Variants in RBFOX1 observed in about 807,000 individuals in gnomAD.
The protein encoded by RBFOX1 is RNA binding fox-1 homolog 1, also known as RNA binding protein fox-1 homolog 1.
Under a neutral mutation model 57.7 loss-of-function variants are expected in RBFOX1, and 8 were observed. The observed-to-expected ratio is 0.14, with a 90% CI of 0.08 to 0.25. The LOEUF (loss-of-function observed/expected upper bound fraction) is 0.25, where lower values mean the gene tolerates loss of function less well. Among genes scored for constraint, RBFOX1 ranks in the 10% least tolerant of loss-of-function variants. The pLI is 1.00. For synonymous variants in RBFOX1, 326 were observed against 222.4 expected (o/e 1.47, Z -4.15); for missense variants, 611 against 548.5 (o/e 1.11, Z -1.14).
chr16:6,578,022 T>C (rs1327191357), intron 2 of RBFOX1, among the ~76,000 whole-genome samples: 1 of 152,358 alleles, frequency 6.6e-6, no homozygotes, highest in East Asian at 1.9e-4. Context: ...ACAGTGCTTA[T>C]TTCATTGAAG....
chr16:6,552,515 G>A (rs561389655), intron 2 of RBFOX1, among the ~76,000 whole-genome samples: 5 of 152,240 alleles, frequency 3.3e-5, no homozygotes, highest in African/African-American at 1.2e-4. Flanking sequence ...CCTGGTCTAT[G>A]GTAATTGCCG....
At chr16:5,969,325 G>GTTTTTTTTTT (rs1392384342) in intron 4 of RBFOX1, among the ~76,000 whole-genome samples, 1 of 120,648 alleles carries the variant, frequency 8.3e-6, no homozygotes, top group Non-Finnish European at 1.6e-5. Flanking sequence ...TTTTTTTTTG[G>GTTTTTTTTTT]TTTGGAAATG....
At chr16:5,727,999 T>C (rs1371001672) in intron 3 of RBFOX1, among the ~76,000 whole-genome samples, 1 of 152,214 alleles carries the variant, frequency 6.6e-6, no homozygotes, top group East Asian at 1.9e-4. Context: ...CTCTCTCTGT[T>C]TCTATCAGTT....
At chr16:7,532,676 G>A (rs1159396065) in intron 5 of RBFOX1, among the ~76,000 whole-genome samples, 2 of 152,306 alleles carry the variant, frequency 1.3e-5, no homozygotes, top group African/African-American at 2.4e-5. Flanking sequence ...TTGGCAAACT[G>A]TAGCTCGTGG....
chr16:7,474,530 G>C (rs546313940), intron 4 of RBFOX1, among the ~76,000 whole-genome samples: 1 of 152,286 alleles, frequency 6.6e-6, no homozygotes, highest in East Asian at 1.9e-4. Context: ...TTAGGTTGGT[G>C]CAAAAGCAAT....
chr16:6,466,852 A>G (rs2095060494), intron 2 of RBFOX1, among the ~76,000 whole-genome samples: 2 of 152,200 alleles, frequency 1.3e-5, no homozygotes, highest in African/African-American at 4.8e-5. Flanking sequence ...TTCTAGTCAG[A>G]GAGGTGCAGA....
intron 1 of RBFOX1, among the ~76,000 whole-genome samples, chr16:6,198,289 A>T (rs150944639): frequency 1.9e-3 from 287 of 152,322 alleles, no homozygotes; most frequent in African/African-American, 6.6e-3. Context: ...ATTTGAGTAG[A>T]TAAAAAGGAG....
At chr16:7,293,670 T>G (rs2095837786) in intron 4 of RBFOX1, among the ~76,000 whole-genome samples, 2 of 152,142 alleles carry the variant, frequency 1.3e-5, no homozygotes, top group South Asian at 4.1e-4. Flanking sequence ...ATCCTAGAGA[T>G]TGTCTGTTTG....
At chr16:6,677,008 G>C (rs2057842602) in intron 3 of RBFOX1, among the ~76,000 whole-genome samples, 1 of 152,028 alleles carries the variant, frequency 6.6e-6, no homozygotes, top group Non-Finnish European at 1.5e-5. Flanking sequence ...AGATCCAAAA[G>C]ACCAAAAGAC....
At chr16:6,986,938 C>A (rs190075315) in intron 3 of RBFOX1, among the ~76,000 whole-genome samples, 1 of 152,302 alleles carries the variant, frequency 6.6e-6, no homozygotes, top group East Asian at 1.9e-4. Flanking sequence ...CACCTGCCCA[C>A]CCCGCCTGCA....
At chr16:7,676,728 T>C (rs964819138) in intron 13 of RBFOX1, 46 bp from the exon 14 acceptor site, 15 of 1,536,460 alleles carry the variant, frequency 9.8e-6, no homozygotes, top group African/African-American at 1.4e-5. Context: ...CATCCCTGCA[T>C]TGGGCTCCGC....
At chr16:5,868,815 A>G (rs770982220) in intron 4 of RBFOX1, among the ~76,000 whole-genome samples, 1 of 152,190 alleles carries the variant, frequency 6.6e-6, no homozygotes, top group Admixed American at 6.5e-5. Flanking sequence ...AGGAATAGCA[A>G]TATGCATCCT....
intron 4 of RBFOX1, among the ~76,000 whole-genome samples, chr16:5,916,914 C>A (rs1481094076): frequency 6.6e-6 from 1 of 152,120 alleles, no homozygotes; most frequent in Non-Finnish European, 1.5e-5. Flanking sequence ...TGCCTCAGGA[C>A]TGAATTCAGC....
chr16:7,386,360 C>A (rs1244314006), intron 4 of RBFOX1, among the ~76,000 whole-genome samples: 1 of 152,086 alleles, frequency 6.6e-6, no homozygotes, highest in East Asian at 1.9e-4. Flanking sequence ...TTAGATATTT[C>A]TCCTAAAGCT....
intron 3 of RBFOX1, among the ~76,000 whole-genome samples, chr16:6,790,561 C>T (rs531323458): frequency 2.6e-5 from 4 of 152,260 alleles, no homozygotes; most frequent in African/African-American, 9.6e-5. Context: ...AGCCTCTATT[C>T]CCCCAAACCA....
intron 4 of RBFOX1, among the ~76,000 whole-genome samples, chr16:7,416,404 C>T (rs1471421757): frequency 6.6e-6 from 1 of 152,152 alleles, no homozygotes; most frequent in Non-Finnish European, 1.5e-5. Context: ...CTCATGCTTA[C>T]TGATATGATT....
At chr16:6,939,756 C>G (rs1306615541) in intron 3 of RBFOX1, among the ~76,000 whole-genome samples, 1 of 152,080 alleles carries the variant, frequency 6.6e-6, no homozygotes, top group Non-Finnish European at 1.5e-5. Context: ...AAATGATCAG[C>G]CTGCCTTGGC....
chr16:6,923,334 G>C (rs2074900662), intron 3 of RBFOX1, among the ~76,000 whole-genome samples: 1 of 152,114 alleles, frequency 6.6e-6, no homozygotes, highest in Non-Finnish European at 1.5e-5. Context: ...AGGAGTTCAA[G>C]ACCAGCCTGG....
chr16:7,184,057 T>G (rs537358663), intron 4 of RBFOX1, among the ~76,000 whole-genome samples: 1 of 151,966 alleles, frequency 6.6e-6, no homozygotes, highest in African/African-American at 2.4e-5. Context: ...AGGAAAGTGG[T>G]GGTGGAGAAG....
Sources: gnomAD v4.1 joint callset for allele counts (sites outside exome capture counted in the v4.1 genomes callset) on GRCh38, gnomAD v4.1.1 for gene constraint, MANE v1.5 for transcripts, NCBI Gene and HGNC (gene_info 2026-07-23, HGNC 2026-07-21) for gene names.